LCMT1: variants seen among roughly 807,000 people sequenced by gnomAD.
LCMT1 encodes leucine carboxyl methyltransferase 1.
LCMT1 carries 32 observed loss-of-function variants against 47.7 expected under a neutral mutation model. That is an observed-to-expected ratio of 0.67 (90% CI 0.51 to 0.90). LCMT1 has a LOEUF of 0.90. Ranked by LOEUF, LCMT1 falls within the 40% of genes least tolerant of loss-of-function variation. The pLI, the probability that LCMT1 is intolerant of heterozygous loss-of-function variation, is 0.00. For synonymous variants in LCMT1, 152 were observed against 149.7 expected, an observed-to-expected ratio of 1.02 and a Z score of -0.11; for missense variants, 375 against 415.2, an observed-to-expected ratio of 0.90 and a Z score of 0.84.
chr16:25,134,932 A>G (rs1960459916), intron 3 of LCMT1, among the ~76,000 whole-genome samples: 1 of 152,104 alleles, frequency 6.6e-6, no homozygotes, highest in African/African-American at 2.4e-5. Flanking sequence ...GAGTTGTCCC[A>G]TGGTGTGGTG....
rs1434579218 is a variant in LCMT1, at chr16:25,120,731, G to GTTTTT, written c.114-7741_114-7737dup. ...GGCGTGAGACACCGCACCTGGCCTT[G>GTTTTT]TTTTTTTGTTTTTTTTTTTTGTTTT... On this transcript the variant is annotated intron_variant, in intron 1 of 10. Transcript: ENST00000399069. Among the ~76,000 whole-genome samples the GTTTTT allele has an allele frequency of 1.1e-3, 149 of 132,454 alleles. 10 individuals carry two copies. The highest frequency in any genetic ancestry group is 4.2e-3 in the African/African-American group (143 of 34,354). The allele number at this position is 132,454 out of a possible 152,430, so 86.9% of individuals were successfully genotyped here. A position where few individuals can be genotyped will look rare whatever the true frequency, so the allele number is the denominator to read the frequency against.
chr16:25,163,006 G>C (rs1254361693), intron 6 of LCMT1, among the ~76,000 whole-genome samples: 1 of 152,166 alleles, frequency 6.6e-6, no homozygotes, highest in Admixed American at 6.6e-5. Flanking sequence ...GAGTAGCTGG[G>C]ACCACAGCAG....
intron 1 of LCMT1, among the ~76,000 whole-genome samples, chr16:25,115,403 A>G (rs768846507): frequency 5.7e-4 from 86 of 152,180 alleles, no homozygotes; most frequent in Non-Finnish European, 1.1e-3. Context: ...TGCCTTGAAT[A>G]CAGGTGCTAG....
At chr16:25,160,718 A>G (rs1187792113) in intron 5 of LCMT1, 10 of 516,798 alleles carry the variant, frequency 1.9e-5, no homozygotes, top group African/African-American at 3.8e-5. Flanking sequence ...ATGGAATGCT[A>G]TGAAATCATT....
At chr16:25,144,063 T>C (rs1353674816) in intron 4 of LCMT1, 4 of 152,260 alleles carry the variant, frequency 2.6e-5, no homozygotes, top group Non-Finnish European at 5.9e-5. Context: ...TTTCCTTGGC[T>C]GATGAGGGAC....
intron 1 of LCMT1, among the ~76,000 whole-genome samples, chr16:25,117,906 C>T (rs1222956458): frequency 6.6e-6 from 1 of 151,636 alleles, no homozygotes; most frequent in African/African-American, 2.4e-5. Flanking sequence ...TATTTTCCCT[C>T]TTGTGCAGTC....
chr16:25,169,111 G>C lies in LCMT1; in HGVS notation c.691-1G>C, dbSNP rs1330192707. ...TATCTTACCTTCTCTTTCCCTCCTA[G>C]GTGAACATGGGTGATCGGTTTGGGC... is the stretch of plus-strand genomic sequence containing the variant. On this transcript the variant is annotated splice_acceptor_variant, in intron 7 of 10. Coordinates refer to ENST00000399069, the MANE Select transcript of LCMT1 (RefSeq NM_016309.3). LOFTEE classifies it high-confidence loss of function. The C allele has an allele frequency of 6.2e-7, 1 of 1,608,084 alleles. No individual in the cohort carries two copies. The highest frequency in any genetic ancestry group is 8.5e-7 in the Non-Finnish European group (1 of 1,175,068).
At chr16:25,112,974 C>T (rs12162023) in intron 1 of LCMT1, among the ~76,000 whole-genome samples, 1 of 151,830 alleles carries the variant, frequency 6.6e-6, no homozygotes. Flanking sequence ...AACCCCATCT[C>T]TACTAAAAAT....
intron 1 of LCMT1, among the ~76,000 whole-genome samples, chr16:25,118,862 G>T (rs1223121040): frequency 6.6e-6 from 1 of 152,146 alleles, no homozygotes; most frequent in African/African-American, 2.4e-5. Context: ...GGAGGCGGGG[G>T]CAGATGCTGC....
intron 9 of LCMT1, among the ~76,000 whole-genome samples, chr16:25,171,536 T>C (rs1961772164): frequency 6.6e-6 from 1 of 152,224 alleles, no homozygotes; most frequent in Admixed American, 6.5e-5. Context: ...TTAGCTGAGA[T>C]AGGGCTTATG....
intron 10 of LCMT1, among the ~76,000 whole-genome samples, chr16:25,177,690 C>CTG (rs1444782139): frequency 1.3e-5 from 2 of 152,268 alleles, no homozygotes; most frequent in South Asian, 4.1e-4. Context: ...CAGTGCTTGT[C>CTG]TGTGTGTGTG....
chr16:25,174,187 C>A lies in LCMT1; in HGVS notation c.885-750C>A, dbSNP rs1257910793. ...ATGGCCTCCCAAAGTGCTGGGATTA[C>A]AGGCGTGAGGCACTTCACCCAACCT... is the stretch of plus-strand genomic sequence containing the variant. On this transcript the variant is annotated intron_variant, in intron 9 of 10. Transcript: ENST00000399069. Among the ~76,000 whole-genome samples, 8 of 152,246 alleles carry A rather than the reference C, an allele frequency of 5.3e-5. 1 individual carries two copies. The highest frequency in any genetic ancestry group is 5.2e-4 in the Admixed American group (8 of 15,282).
rs1960653132 is a variant in LCMT1 at position 25,140,504 on chromosome 16, T to C, written c.404+257T>C. 6.7e-6 allele frequency: 3 copies of C among 447,108 alleles called. No homozygotes were observed. The South Asian group carries it at 1.2e-4, about 18-fold the overall frequency. The allele number at this position is 447,108 out of a possible 1,614,324, so 27.7% of individuals were successfully genotyped here. ...TACAATTAACACGAGGCCAACCAAA[T>C]CTCCCAGACAAGGTTTTTGTTTTTG... On this transcript the variant is annotated intron_variant, in intron 4 of 10. Coordinates refer to ENST00000399069, the MANE Select transcript of LCMT1 (RefSeq NM_016309.3).
intron 7 of LCMT1, among the ~76,000 whole-genome samples, chr16:25,167,111 G>T (rs990816237): frequency 6.6e-6 from 1 of 152,062 alleles, no homozygotes. Context: ...TGTCACTTTG[G>T]AGCAAGCCTG....
chr16:25,174,972 T>C lies in LCMT1; in HGVS notation c.920T>C (p.Leu307Pro), dbSNP rs1961886446. 2 of 1,609,616 alleles carry C rather than the reference T, an allele frequency of 1.2e-6. No individual in the cohort carries two copies. The highest frequency in any genetic ancestry group is 1.7e-6 in the Non-Finnish European group (2 of 1,176,866). Residue 307 changes from leucine to proline, a missense_variant, in exon 10 of 11, where the codon CTG becomes CCG. Transcript: ENST00000399069. ...ESLEFLDEME[L>P]LEQLMRHYCL... ...CTTGAATTCCTGGATGAAATGGAGCTGCTGGAGCAGCTCATGCGGCATTAC... is the reference window on the plus strand; with the variant it reads ...CTTGAATTCCTGGATGAAATGGAGCCGCTGGAGCAGCTCATGCGGCATTAC...
intron 1 of LCMT1, among the ~76,000 whole-genome samples, chr16:25,123,600 C>CTTT (rs1173228613): frequency 0.015 from 937 of 63,392 alleles, 1 homozygote; most frequent in African/African-American, 0.016. Context: ...AAATTGCTTT[C>CTTT]TTTTTTTTTT....
At chr16:25,175,682 C>T (rs1373841024) in intron 10 of LCMT1, among the ~76,000 whole-genome samples, 1 of 152,056 alleles carries the variant, frequency 6.6e-6, no homozygotes, top group Non-Finnish European at 1.5e-5. Context: ...CCTCTTGCCT[C>T]AGCTTCCCAA....
chr16:25,163,244 G>A (rs544766872), intron 6 of LCMT1, among the ~76,000 whole-genome samples: 109 of 152,220 alleles, frequency 7.2e-4, no homozygotes, highest in African/African-American at 2.5e-3. Flanking sequence ...CAAGATGGGC[G>A]GATCACGAGG....
At chr16:25,147,163 G>T (rs1251763892) in intron 4 of LCMT1, 3 of 152,180 alleles carry the variant, frequency 2.0e-5, no homozygotes, top group Admixed American at 2.0e-4. Flanking sequence ...AACTTACCAG[G>T]ATCCTCTGAA....
Sources: gnomAD v4.1 joint callset for allele counts (sites outside exome capture counted in the v4.1 genomes callset) on GRCh38, gnomAD v4.1.1 for gene constraint, MANE v1.5 for transcripts, NCBI Gene and HGNC (gene_info 2026-07-23, HGNC 2026-07-21) for gene names.